The following THSD7A variants were observed in gnomAD, a reference collection of about 807,000 sequenced individuals.
THSD7A encodes the protein thrombospondin type-1 domain-containing protein 7A.
A neutral mutation model predicts 231.3 loss-of-function variants in THSD7A; 96 were observed. The ratio of observed to expected loss-of-function variants is 0.41; its 90% CI spans 0.35 to 0.49. The LOEUF (loss-of-function observed/expected upper bound fraction) is 0.49. Among genes scored for constraint, THSD7A ranks in the 20% least tolerant of loss-of-function variants. The pLI is 0.05. For synonymous variants in THSD7A, 940 were observed against 743.3 expected (o/e 1.26, Z -4.30); for missense variants, 2,290 against 2,070.2 (o/e 1.11, Z -2.06).
At chr7:11,407,193 A>G in intron 20 of THSD7A, 113 bp downstream of exon 20, 1 of 1,453,908 alleles carries the variant, frequency 6.9e-7, no homozygotes, top group Non-Finnish European at 9.4e-7. Flanking sequence ...TTGCAAAGAA[A>G]GACAACCAAT....
intron 18 of THSD7A, 78 bp downstream of exon 18, chr7:11,412,578 T>C: frequency 6.5e-7 from 1 of 1,540,850 alleles, no homozygotes; most frequent in Non-Finnish European, 8.9e-7. Flanking sequence ...AGAGATGAAC[T>C]ATACTGACAG....
intron 24 of THSD7A, 56 bp from the exon 25 acceptor site, chr7:11,379,768 A>C: frequency 1.3e-6 from 2 of 1,507,914 alleles, no homozygotes; most frequent in Non-Finnish European, 1.8e-6. Context: ...TGATGAAAAT[A>C]CACTGTGGTT....
At chr7:11,596,537 T>C (rs897682221) in intron 2 of THSD7A, among the ~76,000 whole-genome samples, 1 of 152,100 alleles carries the variant, frequency 6.6e-6, no homozygotes, top group Non-Finnish European at 1.5e-5. Context: ...AGGGCTATTA[T>C]GGTGGGAAAG....
In THSD7A at chr7:11,659,133, T is replaced by A. The variant is rs188229536; in HGVS notation, c.191-22172A>T. 5.3e-5 allele frequency among the ~76,000 whole-genome samples: 8 copies of A among 151,826 alleles called. 1 individual carries two copies. Among genetic ancestry groups the A allele is most frequent in the Admixed American group, 4.6e-4 (7 of 15,186 alleles). On this transcript the variant is annotated intron_variant, in intron 1 of 27. Coordinates refer to ENST00000423059, the MANE Select transcript of THSD7A (RefSeq NM_015204.3). Reference sequence around the variant, plus strand: ...TCATTTGTCACTGATTTCCTTATTATGTAAATGCTTGGCCATGAGTGGCTT... The same window carrying A: ...TCATTTGTCACTGATTTCCTTATTAAGTAAATGCTTGGCCATGAGTGGCTT...
At chr7:11,694,985 C>A (rs143999905) in intron 1 of THSD7A, among the ~76,000 whole-genome samples, 1 of 151,456 alleles carries the variant, frequency 6.6e-6, no homozygotes, top group Non-Finnish European at 1.5e-5. Flanking sequence ...AGAATTCTTA[C>A]CTAGACTGTC....
intron 6 of THSD7A, among the ~76,000 whole-genome samples, chr7:11,535,907 T>G (rs916931534): frequency 2.0e-5 from 3 of 152,164 alleles, no homozygotes; most frequent in African/African-American, 7.2e-5. Flanking sequence ...TTTAACTTTT[T>G]GTCTACCACT....
chr7:11,595,510 G>A (rs1780329337), intron 2 of THSD7A, among the ~76,000 whole-genome samples: 2 of 152,232 alleles, frequency 1.3e-5, no homozygotes, highest in Non-Finnish European at 1.5e-5. Context: ...ATAAAAGATG[G>A]CCCATTGTGA....
At chr7:11,454,428 C>G (rs536189026) in intron 11 of THSD7A, among the ~76,000 whole-genome samples, 1 of 152,006 alleles carries the variant, frequency 6.6e-6, no homozygotes, top group South Asian at 2.1e-4. Context: ...TTGCCTCTAA[C>G]TCACTCACAG....
chr7:11,792,000 A>T (rs1783966186), intron 1 of THSD7A, among the ~76,000 whole-genome samples: 1 of 151,906 alleles, frequency 6.6e-6, no homozygotes, highest in Non-Finnish European at 1.5e-5. Flanking sequence ...TTTCAATTCA[A>T]TATGCCTAAA....
chr7:11,828,311 C>A (rs1008186716), intron 1 of THSD7A, among the ~76,000 whole-genome samples: 1 of 152,204 alleles, frequency 6.6e-6, no homozygotes, highest in African/African-American at 2.4e-5. Context: ...CTTTCAAGAT[C>A]TAGGAAAGCT....
rs79665021 is a variant in THSD7A, at chr7:11,546,801, C to T, written c.1454-3684G>A. ...TGAGATTCAGGAGAAAGTTGAAACCCGATCCAAGAAATCTAAGGAATCCAG... is the reference window on the plus strand; with the variant it reads ...TGAGATTCAGGAGAAAGTTGAAACCTGATCCAAGAAATCTAAGGAATCCAG... On this transcript the variant is annotated intron_variant, in intron 4 of 27. Coordinates refer to ENST00000423059, the MANE Select transcript of THSD7A (RefSeq NM_015204.3). Among the ~76,000 whole-genome samples, 440 of 152,048 alleles carry T rather than the reference C, an allele frequency of 2.9e-3. 2 individuals are homozygous for T. The highest frequency in any genetic ancestry group is 4.4e-3 in the Non-Finnish European group (297 of 67,984).
chr7:11,592,974 G>A lies in THSD7A; in HGVS notation c.1271+280C>T, dbSNP rs6952772. 9.0e-3 allele frequency among the ~76,000 whole-genome samples: 1,367 copies of A among 152,136 alleles called. 20 individuals are homozygous for A. The highest frequency in any genetic ancestry group is 0.031 in the African/African-American group (1,303 of 41,480). Reference sequence around the variant, plus strand: ...ATTGCAATAGAGACACGTATGGCCTGCAAAGCTTAATGTTTTAACTATCTA... The same window carrying A: ...ATTGCAATAGAGACACGTATGGCCTACAAAGCTTAATGTTTTAACTATCTA... On this transcript the variant is annotated intron_variant, in intron 3 of 27. Transcript: ENST00000423059.
At chr7:11,584,591 G>C (rs1469947404) in intron 4 of THSD7A, among the ~76,000 whole-genome samples, 1 of 152,082 alleles carries the variant, frequency 6.6e-6, no homozygotes. Flanking sequence ...GTTAAGTAAT[G>C]TGCCTAAGAA....
At chr7:11,432,544 T>C (rs950771981) in intron 13 of THSD7A, among the ~76,000 whole-genome samples, 5 of 152,072 alleles carry the variant, frequency 3.3e-5, no homozygotes, top group African/African-American at 9.7e-5. Flanking sequence ...TTTTAAAAAT[T>C]TCATGTAAAT....
chr7:11,421,758 AC>A (rs2115408346), intron 16 of THSD7A, among the ~76,000 whole-genome samples: 1 of 152,320 alleles, frequency 6.6e-6, no homozygotes, highest in Non-Finnish European at 1.5e-5. Context: ...TATATTATGA[AC>A]ATCTTCCTGT....
chr7:11,450,917 G>A (rs1785122107), intron 11 of THSD7A, among the ~76,000 whole-genome samples: 1 of 151,936 alleles, frequency 6.6e-6, no homozygotes, highest in South Asian at 2.1e-4. Context: ...TTATTTTAAA[G>A]TAAAATTCCA....
chr7:11,469,315 C>T (rs1170695378), intron 9 of THSD7A, among the ~76,000 whole-genome samples: 1 of 152,104 alleles, frequency 6.6e-6, no homozygotes, highest in Non-Finnish European at 1.5e-5. Flanking sequence ...AAGTATTTGG[C>T]TTGATACTAA....
At chr7:11,615,279 T>C (rs969835328) in intron 2 of THSD7A, among the ~76,000 whole-genome samples, 1 of 152,216 alleles carries the variant, frequency 6.6e-6, no homozygotes, top group African/African-American at 2.4e-5. Context: ...ATGGCTATTC[T>C]TCACCAGATA....
In THSD7A at chr7:11,803,986, T is replaced by C. The variant is rs577130821; in HGVS notation, c.190+27771A>G. Among the ~76,000 whole-genome samples the C allele has an allele frequency of 7.2e-5, 11 of 152,322 alleles. No individual in the cohort carries two copies. In the East Asian group the frequency reaches 2.1e-3, roughly 29 times the overall value. ...ACAAATACAGTTTTGTATGTATTTG[T>C]ATTTTGAATTATCATAAGATAATTA... On this transcript the variant is annotated intron_variant, in intron 1 of 27. Transcript: ENST00000423059.
Sources: gnomAD v4.1 joint callset for allele counts (sites outside exome capture counted in the v4.1 genomes callset) on GRCh38, gnomAD v4.1.1 for gene constraint, MANE v1.5 for transcripts, NCBI Gene and HGNC (gene_info 2026-07-23, HGNC 2026-07-21) for gene names.